Variants in MYH16 observed in about 807,000 individuals in gnomAD.
The protein encoded by MYH16 is putative uncharacterized protein MYH16.
intron 37 of MYH16, among the ~76,000 whole-genome samples, chr7:99,300,037 G>A (rs1290000959): frequency 6.6e-6 from 1 of 151,550 alleles, no homozygotes; most frequent in East Asian, 1.9e-4. Context: ...TCGGCTCACT[G>A]TAACCTCTGC....
chr7:99,291,946 G>GA (rs942821164), intron 31 of MYH16, among the ~76,000 whole-genome samples: 16 of 148,300 alleles, frequency 1.1e-4, no homozygotes, highest in South Asian at 2.1e-4. Context: ...TCGGTCTCAG[G>GA]AAAAAAAAAA....
intron 36 of MYH16, 107 bp from the exon 18 acceptor site, chr7:99,299,359 A>G (rs1792554097): frequency 6.6e-6 from 1 of 152,176 alleles, no homozygotes. Context: ...ATTTCATGAC[A>G]TGGTGCCTGT....
intron 21 of MYH16, among the ~76,000 whole-genome samples, chr7:99,278,291 T>C (rs1314815566): frequency 6.6e-6 from 1 of 152,052 alleles, no homozygotes; most frequent in Admixed American, 6.6e-5. Context: ...CACACACAGC[T>C]ACAGGACCCA....
intron 6 of MYH16, among the ~76,000 whole-genome samples, chr7:99,251,832 G>C (rs1230009892): frequency 6.6e-6 from 1 of 152,002 alleles, no homozygotes; most frequent in East Asian, 1.9e-4. Context: ...AATTAGCCGG[G>C]CATGGCCATG....
At chr7:99,245,434 G>C (rs937128939) in intron 2 of MYH16, among the ~76,000 whole-genome samples, 1 of 152,174 alleles carries the variant, frequency 6.6e-6, no homozygotes, top group Non-Finnish European at 1.5e-5. Context: ...GCAAGGAGAA[G>C]AGAAATTTAA....
At chr7:99,288,828 C>A (rs138610796) in intron 29 of MYH16, among the ~76,000 whole-genome samples, 33 of 149,460 alleles carry the variant, frequency 2.2e-4, no homozygotes, top group African/African-American at 7.9e-4. Context: ...TAAGAGTGCT[C>A]AATAAGCCAG....
chr7:99,303,714 A>C (rs1792640385), intron 39 of MYH16, among the ~76,000 whole-genome samples: 1 of 152,224 alleles, frequency 6.6e-6, no homozygotes, highest in Non-Finnish European at 1.5e-5. Flanking sequence ...AGACAGGAGG[A>C]TCACCTGAAC....
At chr7:99,260,312 C>T in exon 12 of MYH16, 1 of 1,398,262 alleles carries the variant, frequency 7.2e-7, no homozygotes, top group Admixed American at 1.7e-5. Flanking sequence ...GACCTTCAGG[C>T]CTGCATCGAC....
chr7:99,242,829 C>T (rs767774372), intron 1 of MYH16, among the ~76,000 whole-genome samples: 14 of 152,118 alleles, frequency 9.2e-5, no homozygotes, highest in South Asian at 2.1e-4. Context: ...ATCGCTATTT[C>T]GAAATCACCG....
intron 20 of MYH16, among the ~76,000 whole-genome samples, chr7:99,274,221 C>A (rs563020015): frequency 6.6e-6 from 1 of 152,360 alleles, no homozygotes; most frequent in African/African-American, 2.4e-5. Context: ...CCAGGCCACC[C>A]TCAACCAAGG....
At chr7:99,271,729 T>G (rs1792049180) in intron 19 of MYH16, among the ~76,000 whole-genome samples, 1 of 152,216 alleles carries the variant, frequency 6.6e-6, no homozygotes, top group South Asian at 2.1e-4. Flanking sequence ...GGATGGGGTC[T>G]TGCTCTGTAG....
chr7:99,308,443 C>T (rs1792712234), downstream of MYH16, among the ~76,000 whole-genome samples: 2 of 152,030 alleles, frequency 1.3e-5, no homozygotes, highest in Admixed American at 1.3e-4. Flanking sequence ...GGGCTCAGCT[C>T]TGCCTTCCTG....
At chr7:99,275,399 C>T (rs914293697) in intron 20 of MYH16, among the ~76,000 whole-genome samples, 3 of 152,190 alleles carry the variant, frequency 2.0e-5, no homozygotes, top group South Asian at 2.1e-4. Flanking sequence ...GAATTACAGG[C>T]GTGAGCCACT....
At chr7:99,294,500 CAAAAAAAAAAAAA>C (rs1159682450) in intron 33 of MYH16, among the ~76,000 whole-genome samples, 24 of 25,572 alleles carry the variant, frequency 9.4e-4, no homozygotes, top group African/African-American at 1.8e-3. Flanking sequence ...GACCCTGTCT[CAAAAAAAAAAAAA>C]AAAAAAAAAA....
exon 36 of MYH16, chr7:99,297,952 G>A (rs565963279): frequency 1.3e-5 from 6 of 456,672 alleles, no homozygotes; most frequent in South Asian, 6.2e-5. Context: ...AGCTGACATC[G>A]ACCGAAGAAT....
chr7:99,243,964 A>C (rs891488363), intron 2 of MYH16, among the ~76,000 whole-genome samples: 1 of 147,432 alleles, frequency 6.8e-6, no homozygotes, highest in Non-Finnish European at 1.5e-5. Context: ...CATCAACCCA[A>C]ACATCCAAAC....
chr7:99,306,843 G>A (rs1320586152), downstream of MYH16: 1 of 152,574 alleles, frequency 6.6e-6, no homozygotes, highest in African/African-American at 2.4e-5. Flanking sequence ...ACTGGTAGGT[G>A]TGGACTCCGC....
intron 23 of MYH16, among the ~76,000 whole-genome samples, 173 bp downstream of exon 5, chr7:99,281,153 G>C (rs952414767): frequency 6.6e-6 from 1 of 152,122 alleles, no homozygotes; most frequent in Non-Finnish European, 1.5e-5. Context: ...GAGTGACATG[G>C]GTGTGGCCCC....
At chr7:99,254,496 C>G (rs1791850360) in intron 8 of MYH16, among the ~76,000 whole-genome samples, 1 of 152,202 alleles carries the variant, frequency 6.6e-6, no homozygotes, top group African/African-American at 2.4e-5. Flanking sequence ...GGGATCAGCC[C>G]AAGACCATGA....
Sources: gnomAD v4.1 joint callset for allele counts (sites outside exome capture counted in the v4.1 genomes callset) on GRCh38, gnomAD v4.1.1 for gene constraint, MANE v1.5 for transcripts, NCBI Gene and HGNC (gene_info 2026-07-23, HGNC 2026-07-21) for gene names.